The following SIPA1L1 variants were observed in gnomAD, a reference collection of about 807,000 sequenced individuals.
The protein encoded by SIPA1L1 is signal induced proliferation associated 1 like 1, also known as signal-induced proliferation-associated 1-like protein 1.
In SIPA1L1, 26 loss-of-function variants were observed where a neutral mutation model predicts 162.7. The observed-to-expected ratio is 0.16, with a 90% CI of 0.12 to 0.22. SIPA1L1 has a LOEUF of 0.22. Ranked by LOEUF, SIPA1L1 falls within the 10% of genes least tolerant of loss-of-function variation. The pLI is 1.00. For synonymous variants in SIPA1L1, 829 were observed against 837.4 expected (o/e 0.99, Z 0.17); for missense variants, 1,874 against 2,241.0 (o/e 0.84, Z 3.31).
chr14:71,720,754 T>C (rs1052381440), intron 17 of SIPA1L1, among the ~76,000 whole-genome samples: 5 of 152,142 alleles, frequency 3.3e-5, no homozygotes, highest in Admixed American at 2.0e-4. Context: ...ACTTTGTCAA[T>C]TGAATTTTTC....
intron 2 of SIPA1L1, among the ~76,000 whole-genome samples, chr14:71,327,640 C>T (rs1269983894): frequency 6.6e-6 from 1 of 152,084 alleles, no homozygotes; most frequent in East Asian, 1.9e-4. Context: ...AGTTTTTTTC[C>T]ATATTCTTGC....
At chr14:71,734,242 T>C (rs1340404459) in intron 21 of SIPA1L1, among the ~76,000 whole-genome samples, 1 of 152,260 alleles carries the variant, frequency 6.6e-6, no homozygotes, top group Admixed American at 6.5e-5. Flanking sequence ...CTCATCTCCG[T>C]GCGCGGTAGC....
chr14:71,714,352 A>G (rs1014461964), intron 17 of SIPA1L1, among the ~76,000 whole-genome samples: 4 of 152,212 alleles, frequency 2.6e-5, no homozygotes, highest in Non-Finnish European at 5.9e-5. Context: ...TCTCACCAAC[A>G]AAACATTTTT....
At chr14:71,717,728 C>T (rs1597195327) in intron 17 of SIPA1L1, among the ~76,000 whole-genome samples, 2 of 152,224 alleles carry the variant, frequency 1.3e-5, no homozygotes, top group African/African-American at 4.8e-5. Flanking sequence ...CATCCCTTGA[C>T]GCAGTCTCAG....
intron 3 of SIPA1L1, among the ~76,000 whole-genome samples, chr14:71,523,934 A>G (rs2052605154): frequency 6.6e-6 from 1 of 152,164 alleles, no homozygotes; most frequent in Admixed American, 6.5e-5. Flanking sequence ...GGCTCACCTG[A>G]TATTTTCCCT....
intron 4 of SIPA1L1, among the ~76,000 whole-genome samples, chr14:71,568,553 A>G (rs1334377110): frequency 6.6e-6 from 1 of 152,174 alleles, no homozygotes; most frequent in Non-Finnish European, 1.5e-5. Context: ...GTTACTGGAA[A>G]GAGGTCCCAA....
At chr14:71,657,805 A>G (rs1363432932) in intron 8 of SIPA1L1, among the ~76,000 whole-genome samples, 1 of 151,522 alleles carries the variant, frequency 6.6e-6, no homozygotes, top group Non-Finnish European at 1.5e-5. Flanking sequence ...GATTTTCTTT[A>G]TTTTCACTGA....
intron 2 of SIPA1L1, among the ~76,000 whole-genome samples, chr14:71,394,087 C>T (rs996449269): frequency 3.3e-5 from 5 of 152,198 alleles, no homozygotes; most frequent in African/African-American, 9.6e-5. Context: ...GGGATGTATG[C>T]GCTATCAAAG....
intron 2 of SIPA1L1, among the ~76,000 whole-genome samples, chr14:71,328,740 T>A (rs192374907): frequency 6.6e-6 from 1 of 152,322 alleles, no homozygotes; most frequent in East Asian, 1.9e-4. Flanking sequence ...GACATGTACA[T>A]GCAATTTGAT....
intron 20 of SIPA1L1, 142 bp downstream of exon 20, chr14:71,730,443 G>A (rs2084663053): frequency 5.3e-6 from 5 of 950,814 alleles, no homozygotes; most frequent in Non-Finnish European, 7.9e-6. Flanking sequence ...TTCCTCATTT[G>A]CCCTCTCTCT....
At chr14:71,481,710 G>A (rs2048364645) in intron 2 of SIPA1L1, among the ~76,000 whole-genome samples, 1 of 152,166 alleles carries the variant, frequency 6.6e-6, no homozygotes, top group African/African-American at 2.4e-5. Flanking sequence ...TTATTTATCA[G>A]TAGAAAACCA....
At chr14:71,509,411 G>T (rs554590694) in intron 2 of SIPA1L1, among the ~76,000 whole-genome samples, 27 of 152,286 alleles carry the variant, frequency 1.8e-4, no homozygotes, top group African/African-American at 6.5e-4. Context: ...ATTGTGCATG[G>T]CAGAACAATT....
intron 4 of SIPA1L1, among the ~76,000 whole-genome samples, chr14:71,560,412 T>G (rs1166525459): frequency 1.3e-5 from 2 of 152,196 alleles, no homozygotes; most frequent in African/African-American, 4.8e-5. Context: ...AATGATAAGA[T>G]GGCTGTTGCT....
chr14:71,554,620 A>G (rs1324785654), intron 4 of SIPA1L1, among the ~76,000 whole-genome samples: 1 of 152,210 alleles, frequency 6.6e-6, no homozygotes, highest in Non-Finnish European at 1.5e-5. Context: ...TTGATAAGAA[A>G]AAGATAACAG....
intron 4 of SIPA1L1, among the ~76,000 whole-genome samples, chr14:71,535,463 A>G (rs1302748681): frequency 2.0e-5 from 3 of 152,174 alleles, no homozygotes; most frequent in Non-Finnish European, 2.9e-5. Flanking sequence ...GAGCTGCTAT[A>G]TAGAAAGAGT....
chr14:71,412,979 G>T (rs1313177542), intron 2 of SIPA1L1, among the ~76,000 whole-genome samples: 1 of 152,200 alleles, frequency 6.6e-6, no homozygotes. Context: ...TGTGAGAATT[G>T]TGGAATTTCC....
chr14:71,671,106 C>A lies in SIPA1L1; in HGVS notation c.2256-13C>A. The A allele has an allele frequency of 6.4e-7, 1 of 1,566,804 alleles. No individual in the cohort carries two copies. Among genetic ancestry groups the A allele is most frequent in the Non-Finnish European group, 8.6e-7 (1 of 1,156,476 alleles). ...AAATACTGACGTGGCTCTCTTTGAT[C>A]TTTGTCTCTCAGTGTGGCTGTTACC... On this transcript the variant is annotated splice_polypyrimidine_tract_variant and intron_variant, in intron 10 of 23. Transcript: ENST00000381232.
At chr14:71,686,427 A>G (rs1443895809) in intron 13 of SIPA1L1, among the ~76,000 whole-genome samples, 4 of 152,274 alleles carry the variant, frequency 2.6e-5, no homozygotes, top group Non-Finnish European at 4.4e-5. Flanking sequence ...GAAGTTGGCT[A>G]TACAGATTTT....
Position 71,733,713 on chromosome 14 carries a change from C to T in SIPA1L1, c.4909C>T (p.Arg1637Cys), listed in dbSNP as rs768797102. ...DSSLTDIQET[R>C]RQPMPDPGLM... ...CTCCCTCACTGACATCCAGGAGACC[C>T]GCAGGCAGCCTATGCCCGACCCTGG... The change falls in exon 21 of 24, where the codon CGC (arginine) becomes TGC (cysteine). Residue 1637 changes from arginine (R) to cysteine (C), a missense_variant. Arg to Cys is a radical substitution (Grantham distance 180). Coordinates refer to ENST00000381232, the MANE Select transcript of SIPA1L1 (RefSeq NM_001386936.1). 46 of 1,613,870 alleles carry T rather than the reference C, an allele frequency of 2.9e-5. 1 individual carries two copies. The highest frequency in any genetic ancestry group is 2.7e-4 in the South Asian group (25 of 91,078).
Sources: allele counts gnomAD v4.1 joint callset (sites outside exome capture counted in the v4.1 genomes callset), GRCh38; gene constraint gnomAD v4.1.1; transcripts MANE v1.5; gene names NCBI Gene and HGNC (gene_info 2026-07-23, HGNC 2026-07-21).